ARID1B: variants seen among roughly 807,000 people sequenced by gnomAD.
ARID1B encodes the protein AT-rich interaction domain 1B.
A neutral mutation model predicts 212.3 loss-of-function variants in ARID1B; 30 were observed. That is an observed-to-expected ratio of 0.14 (90% CI 0.11 to 0.19). The LOEUF (loss-of-function observed/expected upper bound fraction) is 0.19, where lower values mean the gene tolerates loss of function less well. Among genes scored for constraint, ARID1B ranks in the 10% least tolerant of loss-of-function variants. The pLI, the probability that ARID1B is intolerant of heterozygous loss-of-function variation, is 1.00. For missense variants in ARID1B, 2,891 were observed against 3,204.0 expected (o/e 0.90, Z 2.36); for synonymous variants, 1,402 against 1,301.7 (o/e 1.08, Z -1.66).
rs1028287243 is a variant in ARID1B, at chr6:156,778,455, C to T, written c.775C>T (p.Pro259Ser). ...GGGCGGCCAGGCCGACCCCCCGGGC[C>T]CGCCGCTGCTGAGCAAGCCGGGCGA... ...AAGGQADPPGPPLLSKPGDED... is the reference protein window; with the variant it reads ...AAGGQADPPGSPLLSKPGDED... Residue 259 changes from proline to serine, a missense_variant, in exon 1 of 20, where the codon CCG (proline) becomes TCG (serine). Coordinates refer to ENST00000636930, the MANE Select transcript of ARID1B (RefSeq NM_001374828.1). The T allele has an allele frequency of 7.1e-7, 1 of 1,403,268 alleles. No homozygotes were observed. The highest frequency in any genetic ancestry group is 3.2e-5 in the Admixed American group (1 of 31,456). The allele number at this position is 1,403,268 out of a possible 1,614,324, so 86.9% of individuals were successfully genotyped here.
Position 156,891,841 on chromosome 6 carries a change from A to G in ARID1B, c.1987-9535A>G, listed in dbSNP as rs564488720. Among the ~76,000 whole-genome samples the G allele has an allele frequency of 3.4e-5, 5 of 148,990 alleles. No homozygotes were observed. The South Asian group carries it at 6.4e-4, about 19-fold the overall frequency. On this transcript the variant is annotated intron_variant, in intron 2 of 19. Transcript: ENST00000636930. Reference sequence around the variant, plus strand: ...AACTCCTTGCTACACATATCTTTGCATACTTGTTTCATACCTTTTCTTTTT... The same window carrying G: ...AACTCCTTGCTACACATATCTTTGCGTACTTGTTTCATACCTTTTCTTTTT...
At chr6:156,843,095 A>G (rs904022127) in intron 2 of ARID1B, among the ~76,000 whole-genome samples, 7 of 152,104 alleles carry the variant, frequency 4.6e-5, no homozygotes, top group Admixed American at 3.9e-4. Flanking sequence ...ACGCGGTAGC[A>G]CCCTTCCAAC....
rs779491835 is a variant in ARID1B at position 157,094,669 on chromosome 6, AG to A, written c.2491+9765del. ...CGCGCCTGGCCGATTTAGGAGTTTA[AG>A]TGTGATGTGATCCCTCTGGAAGGTT... On this transcript the variant is annotated intron_variant, in intron 5 of 19. Transcript: ENST00000636930. The surrounding 1 kb of genome is among the most constrained non-coding windows in gnomAD (Gnocchi z 4.3). Among the ~76,000 whole-genome samples, 1 of 152,162 alleles carries A rather than the reference AG, an allele frequency of 6.6e-6. No homozygotes were observed. The highest frequency in any genetic ancestry group is 1.5e-5 in the Non-Finnish European group (1 of 68,022).
At chr6:157,065,968 C>A (rs1482159994) in intron 4 of ARID1B, among the ~76,000 whole-genome samples, 1 of 152,156 alleles carries the variant, frequency 6.6e-6, no homozygotes. Context: ...ACCACCAGGA[C>A]CCCAAAAGCC....
chr6:156,778,969 C>A lies in ARID1B; in HGVS notation c.1289C>A (p.Ala430Glu), dbSNP rs2114992201. The A allele has an allele frequency of 7.8e-7, 1 of 1,279,738 alleles. No individual in the cohort carries two copies. The highest frequency in any genetic ancestry group is 3.2e-5 in the East Asian group (1 of 31,580). 79.3% of individuals were successfully genotyped at this position (1,279,738 alleles called of 1,614,324 possible). ...GAVAAAAAAA[A>E]AAAGGGGGGG... ...GTGGCGGCGGCGGCCGCGGCGGCGG[C>A]GGCAGCAGCAGGAGGCGGCGGCGGC... Residue 430 changes from alanine to glutamate, a missense_variant, in exon 1 of 20, where the codon GCG (alanine) becomes GAG (glutamate). Coordinates refer to ENST00000636930, the MANE Select transcript of ARID1B (RefSeq NM_001374828.1).
chr6:157,072,913 G>A (rs752080761), intron 4 of ARID1B, among the ~76,000 whole-genome samples: 2 of 152,122 alleles, frequency 1.3e-5, no homozygotes, highest in Non-Finnish European at 2.9e-5. Flanking sequence ...TACAACCTGG[G>A]CTGGTTCCCT....
chr6:156,897,214 TGCTG>T (rs1562468226), intron 2 of ARID1B, among the ~76,000 whole-genome samples: 76 of 75,504 alleles, frequency 1.0e-3, no homozygotes, highest in African/African-American at 3.2e-3. Context: ...CTGCTGCTGC[TGCTG>T]CTTCTTCTTC....
intron 1 of ARID1B, among the ~76,000 whole-genome samples, chr6:156,826,682 C>T (rs2128037536): frequency 6.6e-6 from 1 of 152,270 alleles, no homozygotes; most frequent in South Asian, 2.1e-4. Context: ...CCTCCTCTTC[C>T]AGCCTCAGCC....
chr6:156,991,326 G>C (rs920664970), intron 4 of ARID1B, among the ~76,000 whole-genome samples: 1 of 152,170 alleles, frequency 6.6e-6, no homozygotes, highest in African/African-American at 2.4e-5. Context: ...TGCCTCCTGG[G>C]TTCAAGTGAT....
rs547239533 is a variant in ARID1B at position 157,142,825 on chromosome 6, A to ACCTCCATTTTCT, written c.2762-5791_2762-5780dup. Among the ~76,000 whole-genome samples, 229 of 151,990 alleles carry ACCTCCATTTTCT rather than the reference A, an allele frequency of 1.5e-3. 1 individual carries two copies. The highest frequency in any genetic ancestry group is 5.1e-3 in the African/African-American group (213 of 41,456). On this transcript the variant is annotated intron_variant, in intron 7 of 19. Coordinates refer to ENST00000636930, the MANE Select transcript of ARID1B (RefSeq NM_001374828.1). ...GTAAGATTTCTGATTTATTGCATTC[A>ACCTCCATTTTCT]CCTCCATTTTCTCCTCCATCATATA...
rs1778874003 is a variant in ARID1B, at chr6:156,778,616, G to A, written c.936G>A (p.Glu312=). ...GGGGGPAAVP[E]FNNYYGSAAP... is the part of the protein sequence containing the mutation. The stretch of plus-strand genomic sequence containing the variant: ...GCGGCGGCCCGGCGGCCGTCCCGGA[G>A]TTTAATAATTACTATGGCAGCGCTG... The change falls in exon 1 of 20, where the codon GAG becomes GAA. Residue 312 remains glutamate (E), a synonymous_variant. Transcript: ENST00000636930. 7.3e-7 allele frequency: 1 copy of A among 1,374,446 alleles called. No individual in the cohort carries two copies. The highest frequency in any genetic ancestry group is 1.5e-5 in the African/African-American group (1 of 65,118). The allele number at this position is 1,374,446 out of a possible 1,614,324, so 85.1% of individuals were successfully genotyped here.
intron 7 of ARID1B, among the ~76,000 whole-genome samples, chr6:157,137,433 A>G (rs1001380628): frequency 3.3e-5 from 5 of 152,216 alleles, no homozygotes; most frequent in African/African-American, 1.2e-4. Flanking sequence ...AGAAAGGATT[A>G]TGTAATTAAC....
Position 157,206,739 on chromosome 6 carries a change from A to C in ARID1B, c.5967A>C (p.Glu1989Asp). The C allele has an allele frequency of 1.2e-6, 2 of 1,613,214 alleles. No individual in the cohort carries two copies. Among genetic ancestry groups the C allele is most frequent in the Non-Finnish European group, 1.7e-6 (2 of 1,180,022 alleles). Residue 1989 changes from glutamate to aspartate, a missense_variant, in exon 20 of 20, where the codon GAA (glutamate) becomes GAC (aspartate). Physicochemically the swap from Glu to Asp is conservative, Grantham distance 45 (BLOSUM62 2). Around this residue, in one of 7 missense-constraint regions of ARID1B, gnomAD observed 332 missense variants for 369.2 expected, o/e 0.90. Coordinates refer to ENST00000636930, the MANE Select transcript of ARID1B (RefSeq NM_001374828.1). This position sits in a 1 kb window ranked among gnomAD's most constrained non-coding sequence, Gnocchi z 6.8. ...AGCAAGAAGGCAAAGGCGACTCTGA[A>C]GAGCAGCAAGAGAAAAGCATCATAG... is the stretch of plus-strand genomic sequence containing the variant. The part of the protein sequence containing the change: ...KKEQEGKGDS[E>D]EQQEKSIIAT...
intron 6 of ARID1B, among the ~76,000 whole-genome samples, chr6:157,111,473 C>T (rs755082035): frequency 6.6e-6 from 1 of 152,148 alleles, no homozygotes; most frequent in South Asian, 2.1e-4. Context: ...AGAGAGATAC[C>T]GCTGTCCTGC....
At chr6:156,948,979 G>A (rs751905382) in intron 4 of ARID1B, among the ~76,000 whole-genome samples, 1 of 152,202 alleles carries the variant, frequency 6.6e-6, no homozygotes, top group Non-Finnish European at 1.5e-5. Flanking sequence ...AAGTTTAAGA[G>A]CAGCAATGGC....
intron 4 of ARID1B, among the ~76,000 whole-genome samples, chr6:157,076,734 T>C (rs778800862): frequency 6.6e-6 from 1 of 152,170 alleles, no homozygotes; most frequent in Non-Finnish European, 1.5e-5. Flanking sequence ...AAAGTCTGAA[T>C]CTTATATATT....
At chr6:156,849,515 A>G (rs926958848) in intron 2 of ARID1B, among the ~76,000 whole-genome samples, 7 of 152,228 alleles carry the variant, frequency 4.6e-5, no homozygotes, top group Admixed American at 2.6e-4. Context: ...ATGTTAATTA[A>G]TTCATAGAGA....
At chr6:157,078,220 A>G (rs891726601) in intron 4 of ARID1B, among the ~76,000 whole-genome samples, 4 of 152,190 alleles carry the variant, frequency 2.6e-5, no homozygotes, top group Non-Finnish European at 5.9e-5. Context: ...TATCTGGAGC[A>G]CTTAGACGGC....
chr6:157,167,797 GA>G (rs1791438353), intron 9 of ARID1B: 1 of 152,400 alleles, frequency 6.6e-6, no homozygotes, highest in Non-Finnish European at 1.5e-5. Flanking sequence ...CCAATGTGTG[GA>G]AAATATCAAG....
Sources: allele counts gnomAD v4.1 joint callset (sites outside exome capture counted in the v4.1 genomes callset), GRCh38; gene constraint gnomAD v4.1.1; regional missense constraint gnomAD v4.1.1; non-coding constraint Gnocchi (gnomAD v3.1); transcripts MANE v1.5; gene names NCBI Gene and HGNC (gene_info 2026-07-23, HGNC 2026-07-21).